Variants in KCNJ3 observed in about 807,000 individuals in gnomAD.
KCNJ3 encodes potassium inwardly rectifying channel subfamily J member 3, also known as G protein-activated inward rectifier potassium channel 1.
Under a neutral mutation model 39.2 loss-of-function variants are expected in KCNJ3, and 4 were observed. The ratio of observed to expected loss-of-function variants is 0.10; its 90% CI spans 0.05 to 0.23. The LOEUF is 0.23. KCNJ3 is among the 10% of genes least tolerant of loss of function. The probability of loss-of-function intolerance (pLI) is 1.00; values close to 1 mark genes in which losing one functional copy is unlikely to be tolerated. For missense variants in KCNJ3, 276 were observed against 634.9 expected, an observed-to-expected ratio of 0.43 and a Z score of 6.08; for synonymous variants, 230 against 237.4, an observed-to-expected ratio of 0.97 and a Z score of 0.29.
chr2:154,734,572 A>T (rs1422147306), intron 2 of KCNJ3, among the ~76,000 whole-genome samples: 3 of 152,212 alleles, frequency 2.0e-5, no homozygotes, highest in Admixed American at 1.3e-4. Context: ...GCTAGAATGG[A>T]GAGCAAGACA....
intron 2 of KCNJ3, among the ~76,000 whole-genome samples, chr2:154,837,192 C>T (rs992686863): frequency 2.6e-5 from 4 of 152,056 alleles, no homozygotes; most frequent in African/African-American, 9.7e-5. Context: ...TGTATAATTT[C>T]ATAAAGGCGA....
chr2:154,762,326 T>C (rs1055968818), intron 2 of KCNJ3, among the ~76,000 whole-genome samples: 1 of 152,240 alleles, frequency 6.6e-6, no homozygotes, highest in African/African-American at 2.4e-5. Context: ...ATAACAAACG[T>C]TGTCATAGTG....
At chr2:154,746,409 C>A (rs1158124499) in intron 2 of KCNJ3, among the ~76,000 whole-genome samples, 1 of 151,600 alleles carries the variant, frequency 6.6e-6, no homozygotes. Flanking sequence ...TACTTTAAAT[C>A]ATCTCTAGAT....
chr2:154,733,363 A>G (rs74486227), intron 2 of KCNJ3, among the ~76,000 whole-genome samples: 5,810 of 152,236 alleles, frequency 0.038, 183 homozygotes, highest in Non-Finnish European at 0.052. Context: ...ATGAACATTT[A>G]TAATAAACAG....
intron 2 of KCNJ3, among the ~76,000 whole-genome samples, chr2:154,831,414 C>A (rs1687361336): frequency 6.6e-6 from 1 of 151,976 alleles, no homozygotes; most frequent in Admixed American, 6.6e-5. Flanking sequence ...TAATAATAGT[C>A]AATATTTATT....
At position 154,735,274 on chromosome 2, in the gene KCNJ3, C is replaced by CTT. The variant is rs11315316; in HGVS notation, c.919+25467_919+25468dup. Among the ~76,000 whole-genome samples the CTT allele has an allele frequency of 3.6e-3, 521 of 143,256 alleles. 1 individual carries two copies. Among genetic ancestry groups the CTT allele is most frequent in the African/African-American group, 0.012 (484 of 39,100 alleles). The allele number at this position is 143,256 out of a possible 152,430, so 94.0% of individuals were successfully genotyped here. On this transcript the variant is annotated intron_variant, in intron 2 of 2. Coordinates refer to ENST00000295101, the MANE Select transcript of KCNJ3 (RefSeq NM_002239.4). ...GCTACTTTTTTTTTTTTCTTTCTTT[C>CTT]TTTTTTTTTTTTTGTATTTTTAGTA...
At chr2:154,769,365 G>A (rs760346120) in intron 2 of KCNJ3, among the ~76,000 whole-genome samples, 4 of 152,094 alleles carry the variant, frequency 2.6e-5, no homozygotes, top group Non-Finnish European at 2.9e-5. Context: ...CGTCCCATCA[G>A]TACCTAATTT....
intron 2 of KCNJ3, among the ~76,000 whole-genome samples, chr2:154,711,459 G>C (rs1165070326): frequency 6.6e-6 from 1 of 152,048 alleles, no homozygotes; most frequent in Admixed American, 6.6e-5. Flanking sequence ...CCTTAAAAAT[G>C]TTTTATTAGA....
intron 2 of KCNJ3, among the ~76,000 whole-genome samples, chr2:154,782,749 G>T (rs2105204552): frequency 1.3e-5 from 2 of 152,296 alleles, no homozygotes; most frequent in East Asian, 3.9e-4. Context: ...AAAGCACAGA[G>T]AAGCCTATCC....
intron 2 of KCNJ3, among the ~76,000 whole-genome samples, chr2:154,820,036 TCTTCCCTCAG>T (rs1483789282): frequency 1.3e-5 from 2 of 152,172 alleles, no homozygotes; most frequent in African/African-American, 4.8e-5. Context: ...TGGAAAATAC[TCTTCCCTCAG>T]CTTCCCCTAG....
chr2:154,818,918 C>CTTTTTTTTTTT lies in KCNJ3; in HGVS notation c.920-35787_920-35777dup, dbSNP rs57668487. Among the ~76,000 whole-genome samples the CTTTTTTTTTTT allele has an allele frequency of 3.8e-4, 20 of 52,436 alleles. 1 individual carries two copies. The highest frequency in any genetic ancestry group is 7.5e-4 in the African/African-American group (9 of 12,042). The allele number at this position is 52,436 out of a possible 152,430, so 34.4% of individuals were successfully genotyped here. On this transcript the variant is annotated intron_variant, in intron 2 of 2. Transcript: ENST00000295101. ...GAGCTTGAGCTGTAGCTGCAAAAGCCTTTTTTTTTTTTTTTTTTTTTTTTT... is the reference window on the plus strand; with the variant it reads ...GAGCTTGAGCTGTAGCTGCAAAAGCCTTTTTTTTTTTTTTTTTTTTTTTTTTTTTTTTTTTT...
intron 2 of KCNJ3, among the ~76,000 whole-genome samples, chr2:154,756,908 G>A (rs1685947884): frequency 6.6e-6 from 1 of 152,104 alleles, no homozygotes; most frequent in East Asian, 1.9e-4. Context: ...TAAGATATAT[G>A]TGAGAGGATT....
At position 154,789,755 on chromosome 2, in the gene KCNJ3, T is replaced by G. The variant is rs187161758; in HGVS notation, c.920-64972T>G. Among the ~76,000 whole-genome samples, 535 of 152,184 alleles carry G rather than the reference T, an allele frequency of 3.5e-3. 5 individuals carry two copies. Among genetic ancestry groups the G allele is most frequent in the African/African-American group, 0.012 (495 of 41,566 alleles). ...TTTGTTGATGTTCAGTGTAAAAATG[T>G]GTGATTTTGTTATTGAAATACTTGC... On this transcript the variant is annotated intron_variant, in intron 2 of 2. Coordinates refer to ENST00000295101, the MANE Select transcript of KCNJ3 (RefSeq NM_002239.4).
At chr2:154,771,551 G>C (rs776413271) in intron 2 of KCNJ3, among the ~76,000 whole-genome samples, 1 of 152,132 alleles carries the variant, frequency 6.6e-6, no homozygotes, top group Non-Finnish European at 1.5e-5. Context: ...GTATAAAAAT[G>C]AGTGTGCAGA....
intron 2 of KCNJ3, among the ~76,000 whole-genome samples, chr2:154,779,080 T>C (rs1686388788): frequency 6.6e-6 from 1 of 152,082 alleles, no homozygotes; most frequent in Non-Finnish European, 1.5e-5. Context: ...TATTCTGAAA[T>C]GAAATAAAAA....
At chr2:154,797,006 T>G (rs146308126) in intron 2 of KCNJ3, among the ~76,000 whole-genome samples, 1 of 152,174 alleles carries the variant, frequency 6.6e-6, no homozygotes, top group Non-Finnish European at 1.5e-5. Context: ...GAGCAATGTC[T>G]AGCGAAATGC....
At chr2:154,713,421 G>A (rs560792745) in intron 2 of KCNJ3, among the ~76,000 whole-genome samples, 3 of 152,086 alleles carry the variant, frequency 2.0e-5, no homozygotes, top group African/African-American at 7.2e-5. Flanking sequence ...GTGTGCCGGT[G>A]GTAAGAATCT....
intron 2 of KCNJ3, among the ~76,000 whole-genome samples, chr2:154,777,400 G>A (rs928371794): frequency 6.6e-6 from 1 of 152,224 alleles, no homozygotes; most frequent in Admixed American, 6.5e-5. Context: ...TAGCCAGGTT[G>A]GCATTGTCTG....
chr2:154,850,008 CTTTTT>C (rs373062062), intron 2 of KCNJ3, among the ~76,000 whole-genome samples: 22 of 48,852 alleles, frequency 4.5e-4, no homozygotes, highest in East Asian at 3.8e-3. Flanking sequence ...CAGAATAAAT[CTTTTT>C]TTTTTTTTTT....
Sources: allele counts gnomAD v4.1 joint callset (sites outside exome capture counted in the v4.1 genomes callset), GRCh38; gene constraint gnomAD v4.1.1; transcripts MANE v1.5; gene names NCBI Gene and HGNC (gene_info 2026-07-23, HGNC 2026-07-21).